Variants in CFAP251 observed in about 807,000 individuals in gnomAD.
CFAP251 encodes the protein cilia- and flagella-associated protein 251.
A neutral mutation model predicts 126.7 loss-of-function variants in CFAP251; 93 were observed. That is an observed-to-expected ratio of 0.73 (90% CI 0.62 to 0.87). The LOEUF is 0.87. Ranked by LOEUF, CFAP251 falls within the 40% of genes least tolerant of loss-of-function variation. CFAP251 has a pLI of 0.00. For missense variants in CFAP251, 1,287 were observed against 1,389.2 expected (o/e 0.93, Z 1.17); for synonymous variants, 503 against 506.9 (o/e 0.99, Z 0.10).
At chr12:121,952,241 A>G (rs1165771476) in intron 9 of CFAP251, among the ~76,000 whole-genome samples, 1 of 3,632 alleles carries the variant, frequency 2.8e-4, no homozygotes, top group African/African-American at 1.2e-3. Context: ...CGTTTCTACT[A>G]AAAAAAAAAA....
chr12:121,961,895 T>C, intron 14 of CFAP251, 83 bp from the exon 15 acceptor site: 1 of 1,397,006 alleles, frequency 7.2e-7, no homozygotes, highest in South Asian at 1.3e-5. Context: ...TTATAAAGGC[T>C]GTCACCCAAG....
At chr12:121,971,710 A>G in intron 17 of CFAP251, 2 of 683,428 alleles carry the variant, frequency 2.9e-6, no homozygotes, top group South Asian at 1.5e-5. Context: ...CTTAACAAAC[A>G]TTCATTACAG....
chr12:121,996,675 T>C (rs1338101473), intron 19 of CFAP251, among the ~76,000 whole-genome samples: 1 of 152,166 alleles, frequency 6.6e-6, no homozygotes, highest in Non-Finnish European at 1.5e-5. Flanking sequence ...TAAATTATTA[T>C]TTTTTTAAGC....
chr12:121,936,194 C>T (rs1278565326), intron 5 of CFAP251, among the ~76,000 whole-genome samples: 1 of 152,178 alleles, frequency 6.6e-6, no homozygotes, highest in Admixed American at 6.5e-5. Context: ...GTGGCTCATG[C>T]ACTTTGGGAG....
At chr12:121,937,555 TTTTC>T (rs1880943155) in intron 5 of CFAP251, among the ~76,000 whole-genome samples, 2 of 152,014 alleles carry the variant, frequency 1.3e-5, no homozygotes, top group Non-Finnish European at 2.9e-5. Flanking sequence ...CCTAGATGGG[TTTTC>T]TTTCTTAACT....
chr12:121,984,680 G>A (rs1298561276), intron 19 of CFAP251, among the ~76,000 whole-genome samples: 3 of 152,152 alleles, frequency 2.0e-5, no homozygotes, highest in South Asian at 2.1e-4. Flanking sequence ...AGGTGTCATC[G>A]TTTCTACAGA....
At chr12:121,928,413 G>A (rs979784830) in intron 3 of CFAP251, among the ~76,000 whole-genome samples, 4 of 151,850 alleles carry the variant, frequency 2.6e-5, no homozygotes, top group African/African-American at 9.7e-5. Flanking sequence ...AATTAAGAAT[G>A]TAGGAGAGAG....
chr12:121,978,158 C>T (rs35244551), intron 19 of CFAP251, among the ~76,000 whole-genome samples: 46,380 of 149,970 alleles, frequency 0.31, 9,499 homozygotes, highest in Non-Finnish European at 0.47. Flanking sequence ...TTTGGGAGGC[C>T]GAGGCGGGTG....
At chr12:121,994,821 G>A (rs1482603728) in intron 19 of CFAP251, among the ~76,000 whole-genome samples, 5 of 126,418 alleles carry the variant, frequency 4.0e-5, no homozygotes, top group African/African-American at 1.2e-4. Context: ...CAAACACTGC[G>A]GAAGGCCGCA....
At chr12:121,924,261 C>T (rs1019681001) in intron 3 of CFAP251, among the ~76,000 whole-genome samples, 1 of 151,820 alleles carries the variant, frequency 6.6e-6, no homozygotes. Flanking sequence ...AGGCATGAGC[C>T]ACCACGCCTG....
At chr12:121,982,756 C>A (rs567969413) in intron 19 of CFAP251, among the ~76,000 whole-genome samples, 1 of 152,068 alleles carries the variant, frequency 6.6e-6, no homozygotes, top group African/African-American at 2.4e-5. Flanking sequence ...GCCCACGTGT[C>A]GCACAAAATA....
chr12:121,931,082 T>C (rs1453843014), intron 3 of CFAP251, among the ~76,000 whole-genome samples: 2 of 151,996 alleles, frequency 1.3e-5, no homozygotes, highest in African/African-American at 4.8e-5. Flanking sequence ...CGTAATGACT[T>C]CATTGTAACT....
chr12:121,966,587 CTTTT>C (rs555396249), intron 15 of CFAP251, among the ~76,000 whole-genome samples: 4 of 123,490 alleles, frequency 3.2e-5, no homozygotes, highest in Non-Finnish European at 3.5e-5. Context: ...ACCAAAGAGT[CTTTT>C]TTTTTTTTTT....
intron 11 of CFAP251, 105 bp downstream of exon 11, chr12:121,957,373 T>C: frequency 8.8e-7 from 1 of 1,133,142 alleles, no homozygotes; most frequent in Non-Finnish European, 1.3e-6. Context: ...GATATCTCCC[T>C]GGCTGATTGT....
chr12:121,997,813 G>T (rs531097678), intron 19 of CFAP251: 1 of 149,154 alleles, frequency 6.7e-6, no homozygotes, highest in African/African-American at 2.5e-5. Context: ...GTGTAATGGC[G>T]CCATCTCAGC....
intron 19 of CFAP251, among the ~76,000 whole-genome samples, chr12:121,983,300 A>C (rs949362195): frequency 5.3e-5 from 8 of 151,318 alleles, no homozygotes; most frequent in Admixed American, 1.3e-4. Context: ...AGGCTGAGGC[A>C]GGAGGATTGC....
chr12:121,999,097 G>T (rs1883092448), intron 19 of CFAP251: 1 of 151,988 alleles, frequency 6.6e-6, no homozygotes, highest in Admixed American at 6.6e-5. Context: ...ATGTAAAGTT[G>T]TTAGATTTTG....
chr12:121,972,747 C>A (rs550944003), intron 17 of CFAP251, among the ~76,000 whole-genome samples: 4 of 152,270 alleles, frequency 2.6e-5, no homozygotes, highest in Admixed American at 2.6e-4. Context: ...CTCGGCCTCC[C>A]AAAGTGCTGG....
chr12:121,995,956 A>G (rs1374559540), intron 19 of CFAP251, among the ~76,000 whole-genome samples: 1 of 152,330 alleles, frequency 6.6e-6, no homozygotes, highest in South Asian at 2.1e-4. Context: ...AAGTGCCCCA[A>G]ATCTCACCGA....
Sources: gnomAD v4.1 joint callset for allele counts (sites outside exome capture counted in the v4.1 genomes callset) on GRCh38, gnomAD v4.1.1 for gene constraint, MANE v1.5 for transcripts, NCBI Gene and HGNC (gene_info 2026-07-23, HGNC 2026-07-21) for gene names.